PDGFRA: variants seen among roughly 807,000 people sequenced by gnomAD.
The protein encoded by PDGFRA is platelet-derived growth factor receptor alpha.
Under a neutral mutation model 121.5 loss-of-function variants are expected in PDGFRA, and 25 were observed. The observed-to-expected ratio is 0.21, with a 90% CI of 0.15 to 0.29. PDGFRA has a LOEUF of 0.29. PDGFRA is among the 10% of genes least tolerant of loss of function. PDGFRA has a pLI of 1.00. For missense variants in PDGFRA, 1,008 were observed against 1,345.1 expected (o/e 0.75, Z 3.92); for synonymous variants, 463 against 494.8 (o/e 0.94, Z 0.85).
chr4:54,288,601 A>G (rs1724469372), intron 19 of PDGFRA, among the ~76,000 whole-genome samples, 198 bp from the exon 20 acceptor site: 1 of 152,110 alleles, frequency 6.6e-6, no homozygotes, highest in Non-Finnish European at 1.5e-5. Flanking sequence ...GACTTGACCA[A>G]CCTGGAGTCC....
At chr4:54,279,526 T>C (rs1723948804) in intron 15 of PDGFRA, among the ~76,000 whole-genome samples, 1 of 152,230 alleles carries the variant, frequency 6.6e-6, no homozygotes, top group South Asian at 2.1e-4. Context: ...TTATTTTGTT[T>C]TTTACATTTC....
Position 54,295,403 on chromosome 4 carries a change from G to A in PDGFRA, c.*131G>A, listed in dbSNP as rs1724836970. 4.8e-6 allele frequency: 4 copies of A among 833,018 alleles called. No individual in the cohort carries two copies. In the East Asian group the frequency reaches 9.8e-5, roughly 20 times the overall value. 51.6% of individuals were successfully genotyped at this position (833,018 alleles called of 1,614,324 possible). ...TTTAAAGAGAAGTTCCCAGCCAAGGGCCTCGGGGAGCGTTCTAAATATGAA... is the reference window on the plus strand; with the variant it reads ...TTTAAAGAGAAGTTCCCAGCCAAGGACCTCGGGGAGCGTTCTAAATATGAA... On this transcript the variant is annotated 3_prime_UTR_variant, in exon 23 of 23. Coordinates refer to ENST00000257290, the MANE Select transcript of PDGFRA (RefSeq NM_006206.6).
chr4:54,285,356 AT>A lies in PDGFRA; in HGVS notation c.2324-12del. 1 of 1,008,014 alleles carries A rather than the reference AT, an allele frequency of 9.9e-7. No individual in the cohort carries two copies. The allele number at this position is 1,008,014 out of a possible 1,614,324, so 62.4% of individuals were successfully genotyped here. A position where few individuals can be genotyped will look rare whatever the true frequency, so the allele number is the denominator to read the frequency against. On this transcript the variant is annotated splice_polypyrimidine_tract_variant and intron_variant, in intron 16 of 22. Coordinates refer to ENST00000257290, the MANE Select transcript of PDGFRA (RefSeq NM_006206.6). ...CTGCCTGCCAGCACCAATACATTTAATTTCTTTTCTGCAGACTCAGAAGTCA... is the reference window on the plus strand; with the variant it reads ...CTGCCTGCCAGCACCAATACATTTAATTCTTTTCTGCAGACTCAGAAGTCA...
intron 1 of PDGFRA, among the ~76,000 whole-genome samples, chr4:54,247,517 C>G (rs1577685296): frequency 6.6e-6 from 1 of 151,992 alleles, no homozygotes; most frequent in South Asian, 2.1e-4. Context: ...CAAAATTCAA[C>G]AACCCTTCAT....
chr4:54,267,255 T>TTTAAA, intron 5 of PDGFRA, 34 bp from the exon 6 acceptor site: 1 of 1,612,088 alleles, frequency 6.2e-7, no homozygotes, highest in South Asian at 1.1e-5. Context: ...GAGCGAGCTT[T>TTTAAA]TTAAAAGTCG....
At chr4:54,288,754 C>A (rs2110344015) in intron 19 of PDGFRA, 45 bp from the exon 20 acceptor site, 1 of 1,022,752 alleles carries the variant, frequency 9.8e-7, no homozygotes, top group Non-Finnish European at 1.6e-6. Flanking sequence ...TTCAGCAATG[C>A]ACTGAGCGTT....
At chr4:54,257,929 T>G (rs893366045) in intron 1 of PDGFRA, among the ~76,000 whole-genome samples, 7 of 152,218 alleles carry the variant, frequency 4.6e-5, no homozygotes, top group Non-Finnish European at 7.3e-5. Context: ...TCTCTTTCTC[T>G]ACTTCTTCAT....
intron 8 of PDGFRA, among the ~76,000 whole-genome samples, chr4:54,271,309 T>C (rs905083092): frequency 2.2e-4 from 34 of 152,188 alleles, no homozygotes; most frequent in African/African-American, 8.0e-4. Flanking sequence ...TGAGGTGCGC[T>C]CATGTGATCC....
intron 18 of PDGFRA, 51 bp downstream of exon 18, chr4:54,286,014 C>T (rs1242272513): frequency 6.3e-7 from 1 of 1,582,158 alleles, no homozygotes; most frequent in East Asian, 2.2e-5. Context: ...TCACTTTAAT[C>T]TCTAAAGTCA....
rs771228879 is a variant in PDGFRA, at chr4:54,288,959, G to A, written c.2775-50G>A. The A allele has an allele frequency of 6.6e-6, 10 of 1,508,902 alleles. No individual in the cohort carries two copies. The Admixed American group carries it at 1.7e-4, about 25-fold the overall frequency. The allele number at this position is 1,508,902 out of a possible 1,614,324, so 93.5% of individuals were successfully genotyped here. On this transcript the variant is annotated intron_variant, in intron 20 of 22. Transcript: ENST00000257290. ...CAGTCTGTGGGTCTAGGGGGAGGGA[G>A]GGGCCCTGAGACTTCCCCCTGTGCC...
At chr4:54,275,093 AT>A in intron 12 of PDGFRA, 120 bp downstream of exon 12, 1 of 1,053,422 alleles carries the variant, frequency 9.5e-7, no homozygotes, top group Non-Finnish European at 1.5e-6. Flanking sequence ...GGCAATGGAA[AT>A]TTGCTTTCAG....
Position 54,285,375 on chromosome 4 carries a change from A to G in PDGFRA, c.2328A>G (p.Ser776=), listed in dbSNP as rs570110696. ...CATTTAATTTCTTTTCTGCAGACTC[A>G]GAAGTCAAAAACCTCCTTTCAGATG... ...ASYKKKSMLD[S]EVKNLLSDDN... is the part of the protein sequence containing the mutation. The change falls in exon 17 of 23, where the codon TCA becomes TCG. Residue 776 remains serine, a synonymous_variant. Coordinates refer to ENST00000257290, the MANE Select transcript of PDGFRA (RefSeq NM_006206.6). The G allele has an allele frequency of 4.2e-5, 55 of 1,316,252 alleles. 1 individual carries two copies. In the South Asian group the frequency reaches 6.2e-4, roughly 15 times the overall value. 81.5% of individuals were successfully genotyped at this position (1,316,252 alleles called of 1,614,324 possible). A position where few individuals can be genotyped will look rare whatever the true frequency, so the allele number is the denominator to read the frequency against.
At chr4:54,248,355 T>C (rs1392009963) in intron 1 of PDGFRA, among the ~76,000 whole-genome samples, 1 of 152,206 alleles carries the variant, frequency 6.6e-6, no homozygotes. Context: ...ATGGTACTGG[T>C]ACCAAAACAG....
chr4:54,242,005 T>C (rs751634324), intron 1 of PDGFRA, among the ~76,000 whole-genome samples: 1 of 152,222 alleles, frequency 6.6e-6, no homozygotes, highest in Non-Finnish European at 1.5e-5. Context: ...CAGATTTATA[T>C]CTTTTCCTTT....
intron 12 of PDGFRA, among the ~76,000 whole-genome samples, chr4:54,276,291 G>C (rs1723720184): frequency 6.8e-6 from 1 of 146,304 alleles, no homozygotes; most frequent in South Asian, 2.1e-4. Flanking sequence ...TTGAGTAATA[G>C]CAGAATAGTA....
At chr4:54,283,254 A>G (rs1444304839) in intron 16 of PDGFRA, among the ~76,000 whole-genome samples, 1 of 152,190 alleles carries the variant, frequency 6.6e-6, no homozygotes, top group Non-Finnish European at 1.5e-5. Flanking sequence ...ATCCTGCAGC[A>G]TGCTTCTGTC....
At chr4:54,279,435 C>A (rs1000853545) in intron 15 of PDGFRA, among the ~76,000 whole-genome samples, 2 of 152,184 alleles carry the variant, frequency 1.3e-5, no homozygotes, top group African/African-American at 4.8e-5. Context: ...TCCTTGACCC[C>A]CAGATCAAGT....
At chr4:54,261,070 A>T (rs1230107407) in intron 2 of PDGFRA, 25 bp from the exon 3 acceptor site, 4 of 1,608,232 alleles carry the variant, frequency 2.5e-6, no homozygotes, top group Non-Finnish European at 3.4e-6. Context: ...ACTGCATCCT[A>T]TTCAGAGCGT....
intron 1 of PDGFRA, among the ~76,000 whole-genome samples, chr4:54,248,437 A>G (rs1272107511): frequency 1.3e-5 from 2 of 152,242 alleles, no homozygotes; most frequent in African/African-American, 4.8e-5. Flanking sequence ...CTGATCTTTG[A>G]CAAACCTGAG....
Sources: gnomAD v4.1 joint callset for allele counts (sites outside exome capture counted in the v4.1 genomes callset) on GRCh38, gnomAD v4.1.1 for gene constraint, MANE v1.5 for transcripts, NCBI Gene and HGNC (gene_info 2026-07-23, HGNC 2026-07-21) for gene names.